SUGCT: variants seen among roughly 807,000 people sequenced by gnomAD.
SUGCT encodes succinyl-CoA:glutarate-CoA transferase, also known as succinyl-CoA:glutarate CoA-transferase.
In SUGCT, 41 loss-of-function variants were observed where a neutral mutation model predicts 55.0. The ratio of observed to expected loss-of-function variants is 0.74; its 90% CI spans 0.58 to 0.97. SUGCT has a LOEUF of 0.97. SUGCT is among the 50% of genes least tolerant of loss of function. The pLI is 0.00. For synonymous variants in SUGCT, 187 were observed against 200.4 expected (o/e 0.93, Z 0.56); for missense variants, 568 against 547.8 (o/e 1.04, Z -0.37).
At chr7:40,258,272 A>G (rs1013515551) in intron 7 of SUGCT, among the ~76,000 whole-genome samples, 1 of 152,236 alleles carries the variant, frequency 6.6e-6, no homozygotes, top group South Asian at 2.1e-4. Flanking sequence ...TTGAACAGTC[A>G]TAGGAATCAA....
chr7:40,581,880 C>G (rs1797114341), intron 12 of SUGCT, among the ~76,000 whole-genome samples: 1 of 151,970 alleles, frequency 6.6e-6, no homozygotes, highest in African/African-American at 2.4e-5. Flanking sequence ...AAAAACTGGC[C>G]TAAGAAATTA....
At chr7:40,222,457 C>T (rs868136795) in intron 6 of SUGCT, among the ~76,000 whole-genome samples, 3 of 152,180 alleles carry the variant, frequency 2.0e-5, no homozygotes, top group Middle Eastern at 3.2e-3. Context: ...CATGGATTTG[C>T]TTCTGTCACT....
At chr7:40,172,871 C>G (rs1161507903) in intron 1 of SUGCT, among the ~76,000 whole-genome samples, 1 of 152,168 alleles carries the variant, frequency 6.6e-6, no homozygotes. Context: ...AGCAGCCATG[C>G]TAATCGTTTT....
chr7:40,849,108 C>T (rs1793725337), intron 13 of SUGCT, among the ~76,000 whole-genome samples: 2 of 151,952 alleles, frequency 1.3e-5, no homozygotes, highest in African/African-American at 4.8e-5. Flanking sequence ...TGTATCTTAG[C>T]AATGAGCCAA....
the SUGCT span, among the ~76,000 whole-genome samples, chr7:40,901,333 TCA>T: frequency 1.8e-4 from 28 of 152,340 alleles, no homozygotes; most frequent in African/African-American, 6.5e-4. Flanking sequence ...GATCCTTTGA[TCA>T]CTTCCTTGGC....
intron 9 of SUGCT, among the ~76,000 whole-genome samples, chr7:40,443,564 G>GA (rs1788638386): frequency 1.3e-5 from 2 of 152,098 alleles, no homozygotes; most frequent in South Asian, 4.2e-4. Flanking sequence ...ACTTTTTGAT[G>GA]GGGTGTTTGA....
intron 12 of SUGCT, among the ~76,000 whole-genome samples, chr7:40,682,718 C>T (rs756901512): frequency 2.0e-5 from 3 of 146,540 alleles, no homozygotes; most frequent in Non-Finnish European, 4.5e-5. Flanking sequence ...TCCCTCCCAT[C>T]CCCTCCCCAC....
chr7:41,017,453 G>A, the SUGCT span, among the ~76,000 whole-genome samples: 5 of 152,198 alleles, frequency 3.3e-5, no homozygotes, highest in African/African-American at 1.2e-4. Context: ...AAACAAGACT[G>A]GAGATTAGGA....
intron 12 of SUGCT, among the ~76,000 whole-genome samples, chr7:40,691,247 A>G (rs1469584466): frequency 6.6e-6 from 1 of 151,980 alleles, no homozygotes; most frequent in East Asian, 1.9e-4. Context: ...TCTCTTACGA[A>G]CCTACAGTGT....
intron 13 of SUGCT, among the ~76,000 whole-genome samples, chr7:40,786,780 T>C (rs1442416570): frequency 6.6e-6 from 1 of 152,190 alleles, no homozygotes; most frequent in African/African-American, 2.4e-5. Flanking sequence ...TCACTGAGGC[T>C]GCATCCTGAA....
At chr7:40,253,281 T>C (rs547166417) in intron 7 of SUGCT, among the ~76,000 whole-genome samples, 1 of 152,322 alleles carries the variant, frequency 6.6e-6, no homozygotes, top group African/African-American at 2.4e-5. Context: ...GTACTACTAA[T>C]TGGAGGTTCA....
chr7:40,976,893 A>T, the SUGCT span, among the ~76,000 whole-genome samples: 2 of 152,182 alleles, frequency 1.3e-5, no homozygotes, highest in Non-Finnish European at 2.9e-5. Flanking sequence ...CAATGAGGTA[A>T]TGGTCCCACA....
intron 12 of SUGCT, among the ~76,000 whole-genome samples, chr7:40,600,239 T>C (rs1798226359): frequency 6.6e-6 from 1 of 152,142 alleles, no homozygotes; most frequent in African/African-American, 2.4e-5. Context: ...TTCACTCATT[T>C]CTTATGTGTG....
At chr7:40,182,992 G>C (rs906723421) in intron 3 of SUGCT, among the ~76,000 whole-genome samples, 7 of 152,198 alleles carry the variant, frequency 4.6e-5, no homozygotes, top group African/African-American at 1.7e-4. Context: ...ACAACCTAAG[G>C]CTGGGCGTGG....
chr7:40,804,514 A>G (rs547356857), intron 13 of SUGCT, among the ~76,000 whole-genome samples: 110 of 152,110 alleles, frequency 7.2e-4, no homozygotes, highest in South Asian at 2.5e-3. Flanking sequence ...TGAAGTAGTG[A>G]GGTCATCTAC....
chr7:40,541,121 T>A (rs1353014917), intron 12 of SUGCT, among the ~76,000 whole-genome samples: 3 of 152,150 alleles, frequency 2.0e-5, no homozygotes, highest in Admixed American at 6.5e-5. Context: ...AAAAATGCCC[T>A]CCAGGCTCTA....
chr7:40,196,812 A>C (rs746325780), intron 6 of SUGCT, among the ~76,000 whole-genome samples: 12 of 152,084 alleles, frequency 7.9e-5, no homozygotes, highest in Non-Finnish European at 1.2e-4. Flanking sequence ...AATGCAGAGC[A>C]CATGATAGGG....
the SUGCT span, among the ~76,000 whole-genome samples, chr7:41,017,323 G>A: frequency 6.6e-5 from 9 of 137,156 alleles, no homozygotes; most frequent in Admixed American, 1.4e-4. Flanking sequence ...ATAAAGATGC[G>A]ATACATGGGA....
intron 13 of SUGCT, among the ~76,000 whole-genome samples, chr7:40,854,126 T>G (rs1240884302): frequency 1.3e-5 from 2 of 152,262 alleles, no homozygotes; most frequent in Non-Finnish European, 2.9e-5. Flanking sequence ...TTGCTACCTA[T>G]TTGGATCTTG....
Sources: gnomAD v4.1 joint callset for allele counts (sites outside exome capture counted in the v4.1 genomes callset) on GRCh38, gnomAD v4.1.1 for gene constraint, MANE v1.5 for transcripts, NCBI Gene and HGNC (gene_info 2026-07-23, HGNC 2026-07-21) for gene names.